Variants in LRRC37A2 observed in about 807,000 individuals in gnomAD.
LRRC37A2 encodes the protein leucine-rich repeat-containing protein 37A2.
Under a neutral mutation model 68.8 loss-of-function variants are expected in LRRC37A2, and 9 were observed. The observed-to-expected ratio is 0.13, with a 90% CI of 0.08 to 0.23. The LOEUF is 0.23. LRRC37A2 is among the 10% of genes least tolerant of loss of function. The probability of loss-of-function intolerance (pLI) is 1.00; values close to 1 mark genes in which losing one functional copy is unlikely to be tolerated. For missense variants in LRRC37A2, 168 were observed against 950.4 expected (o/e 0.18, Z 10.82); for synonymous variants, 63 against 367.6 (o/e 0.17, Z 9.48).
At chr17:46,946,884 A>G in the LRRC37A2 span, among the ~76,000 whole-genome samples, 3 of 152,324 alleles carry the variant, frequency 2.0e-5, 1 homozygote, top group East Asian at 5.8e-4. Context: ...AACAAAAATT[A>G]TGAGATGTCG....
chr17:46,745,160 A>T, the LRRC37A2 span, among the ~76,000 whole-genome samples: 1 of 152,184 alleles, frequency 6.6e-6, no homozygotes, highest in Non-Finnish European at 1.5e-5. Context: ...TTGTTTTTAA[A>T]GCTGCATCCC....
At chr17:46,938,524 TCTC>T in the LRRC37A2 span, 1 of 1,607,468 alleles carries the variant, frequency 6.2e-7, no homozygotes, top group East Asian at 2.2e-5. Context: ...CAAAGCTCCA[TCTC>T]CTGATGCCAT....
At chr17:46,779,103 A>ACACACAC in the LRRC37A2 span, among the ~76,000 whole-genome samples, 387 of 133,614 alleles carry the variant, frequency 2.9e-3, 9 homozygotes, top group African/African-American at 0.01. Flanking sequence ...ACACACACAC[A>ACACACAC]CCCCAGCCCA....
At chr17:46,406,149 G>A in the LRRC37A2 span, among the ~76,000 whole-genome samples, 14,249 of 47,132 alleles carry the variant, frequency 0.3, 1,295 homozygotes, top group Middle Eastern at 0.43. Context: ...TTACTTCAGT[G>A]CATTTTTATT....
the LRRC37A2 span, among the ~76,000 whole-genome samples, chr17:46,769,409 A>T: frequency 6.6e-6 from 1 of 152,064 alleles, no homozygotes; most frequent in Non-Finnish European, 1.5e-5. Context: ...ACTTAACGTG[A>T]CTCACCCTAG....
the LRRC37A2 span, chr17:46,940,719 G>A: frequency 6.2e-7 from 1 of 1,600,566 alleles, no homozygotes; most frequent in Non-Finnish European, 8.5e-7. Context: ...ACACTTGACA[G>A]TGGTTGGCTT....
the LRRC37A2 span, chr17:46,933,495 C>T: frequency 1.3e-5 from 2 of 152,200 alleles, no homozygotes; most frequent in African/African-American, 2.4e-5. Flanking sequence ...AATTCAGGCA[C>T]TAGGAGTAAA....
At chr17:46,676,581 T>C in the LRRC37A2 span, among the ~76,000 whole-genome samples, 1 of 143,184 alleles carries the variant, frequency 7.0e-6, no homozygotes, top group Admixed American at 7.0e-5. Context: ...GGTTTAGAAT[T>C]TGAATGAATG....
At chr17:46,914,528 G>A in the LRRC37A2 span, among the ~76,000 whole-genome samples, 1 of 151,724 alleles carries the variant, frequency 6.6e-6, no homozygotes, top group Admixed American at 6.6e-5. Flanking sequence ...GTGCATGCCT[G>A]TAGTCCCAGC....
At chr17:46,741,704 G>A in the LRRC37A2 span, among the ~76,000 whole-genome samples, 4 of 152,130 alleles carry the variant, frequency 2.6e-5, no homozygotes, top group South Asian at 2.1e-4. Flanking sequence ...AATGGTAGTC[G>A]ATCTTTTCCC....
At chr17:46,762,234 G>C in the LRRC37A2 span, among the ~76,000 whole-genome samples, 1 of 152,182 alleles carries the variant, frequency 6.6e-6, no homozygotes, top group Non-Finnish European at 1.5e-5. Flanking sequence ...GAAAATACTT[G>C]AGTCTGTGAA....
the LRRC37A2 span, chr17:47,017,917 C>T: frequency 2.5e-6 from 4 of 1,612,582 alleles, no homozygotes; most frequent in Non-Finnish European, 3.4e-6. Context: ...CAACAAGAAG[C>T]CCCAGCACAG....
the LRRC37A2 span, among the ~76,000 whole-genome samples, chr17:46,817,247 C>T: frequency 6.6e-6 from 1 of 152,188 alleles, no homozygotes; most frequent in Non-Finnish European, 1.5e-5. Flanking sequence ...TCTGGGTTGG[C>T]GAAAGGCAGG....
chr17:46,856,131 G>C, the LRRC37A2 span, among the ~76,000 whole-genome samples: 1 of 152,162 alleles, frequency 6.6e-6, no homozygotes, highest in East Asian at 1.9e-4. Context: ...TCCTCTCTAG[G>C]GATAGTACAG....
the LRRC37A2 span, among the ~76,000 whole-genome samples, chr17:46,924,792 A>G: frequency 1.3e-5 from 2 of 152,244 alleles, no homozygotes; most frequent in African/African-American, 2.4e-5. Flanking sequence ...GAAAGAATGA[A>G]ACGAAATTAT....
the LRRC37A2 span, among the ~76,000 whole-genome samples, chr17:46,892,651 C>T: frequency 6.6e-6 from 1 of 152,308 alleles, no homozygotes; most frequent in South Asian, 2.1e-4. Context: ...CAAGCCACCT[C>T]GATTCCTGAA....
chr17:46,978,906 C>A, the LRRC37A2 span: 3 of 1,475,078 alleles, frequency 2.0e-6, no homozygotes, highest in Non-Finnish European at 2.7e-6. Flanking sequence ...AGCCCAGCCA[C>A]GTGCCCAGCC....
the LRRC37A2 span, among the ~76,000 whole-genome samples, chr17:46,800,616 A>C: frequency 1.3e-5 from 2 of 152,258 alleles, no homozygotes; most frequent in African/African-American, 4.8e-5. Flanking sequence ...GCAGAGCATC[A>C]CAGAGGCAAT....
chr17:46,839,974 TTC>T, the LRRC37A2 span, among the ~76,000 whole-genome samples: 1 of 137,854 alleles, frequency 7.3e-6, no homozygotes, highest in African/African-American at 2.7e-5. Flanking sequence ...CTTTCTTTCT[TTC>T]TCTTCTTTCT....
Sources: gnomAD v4.1 joint callset for allele counts (sites outside exome capture counted in the v4.1 genomes callset) on GRCh38, gnomAD v4.1.1 for gene constraint, MANE v1.5 for transcripts, NCBI Gene and HGNC (gene_info 2026-07-23, HGNC 2026-07-21) for gene names.